Variants in STPG2 observed in about 807,000 individuals in gnomAD.
The protein encoded by STPG2 is sperm-tail PG-rich repeat-containing protein 2.
A neutral mutation model predicts 54.2 loss-of-function variants in STPG2; 56 were observed. The observed-to-expected ratio is 1.03, with a 90% confidence interval of 0.83 to 1.29. The LOEUF (loss-of-function observed/expected upper bound fraction) is 1.29. Among genes scored for constraint, STPG2 ranks in the 50% most tolerant of loss-of-function variants. STPG2 has a pLI of 0.00. For synonymous variants in STPG2, 200 were observed against 181.8 expected (o/e 1.10, Z -0.81); for missense variants, 596 against 544.9 (o/e 1.09, Z -0.93).
chr4:98,111,061 C>A (rs1265352981), intron 3 of STPG2, among the ~76,000 whole-genome samples: 1 of 151,982 alleles, frequency 6.6e-6, no homozygotes, highest in African/African-American at 2.4e-5. Flanking sequence ...TATAGCACAG[C>A]AAAGACTAGA....
At chr4:97,631,206 T>C (rs182117019) in intron 10 of STPG2, among the ~76,000 whole-genome samples, 1,588 of 152,124 alleles carry the variant, frequency 0.01, 15 homozygotes, top group South Asian at 0.017. Flanking sequence ...ATCTTAATGT[T>C]ATTATTTCCT....
chr4:97,484,398 G>A lies in STPG2; in HGVS notation c.462+228301C>T, dbSNP rs564658983. Among the ~76,000 whole-genome samples, 164 of 151,744 alleles carry A rather than the reference G, an allele frequency of 1.1e-3. 1 individual carries two copies. The highest frequency in any genetic ancestry group is 3.9e-3 in the African/African-American group (162 of 41,450). ...AGGAGATATTATAACTGACACCACT[G>A]AAATACAAAAGATCATTCAAGGCTA... is the stretch of plus-strand genomic sequence containing the variant. On this transcript the variant is annotated intron_variant, in intron 4 of 4. Coordinates refer to the STPG2 transcript ENST00000522676.
chr4:98,037,566 T>C lies in STPG2; in HGVS notation c.613-56248A>G, dbSNP rs562099391. Among the ~76,000 whole-genome samples, 32 of 151,620 alleles carry C rather than the reference T, an allele frequency of 2.1e-4. 1 individual carries two copies. The highest frequency in any genetic ancestry group is 1.1e-3 in the Admixed American group (16 of 15,178). Reference sequence around the variant, plus strand: ...AGATGTCTATCACTGATACGCAACATAGTATGTCTTAGTGGATGTAATGAA... The same window carrying C: ...AGATGTCTATCACTGATACGCAACACAGTATGTCTTAGTGGATGTAATGAA... On this transcript the variant is annotated intron_variant, in intron 5 of 10. Coordinates refer to ENST00000295268, the MANE Select transcript of STPG2 (RefSeq NM_174952.3).
chr4:97,655,866 C>G (rs1327579332), intron 10 of STPG2, among the ~76,000 whole-genome samples: 2 of 151,940 alleles, frequency 1.3e-5, no homozygotes, highest in Non-Finnish European at 2.9e-5. Context: ...CTTTTAAGAC[C>G]AAGTAGTGAT....
At chr4:97,759,984 CCT>C (rs1334470338) in intron 9 of STPG2, among the ~76,000 whole-genome samples, 1 of 152,110 alleles carries the variant, frequency 6.6e-6, no homozygotes, top group Non-Finnish European at 1.5e-5. Context: ...TTATTTACAG[CCT>C]CTCATGGCAC....
chr4:98,038,873 G>A (rs1736856252), intron 5 of STPG2, among the ~76,000 whole-genome samples: 1 of 151,788 alleles, frequency 6.6e-6, no homozygotes, highest in African/African-American at 2.4e-5. Context: ...TCATAGAAGA[G>A]GAAATAGAAA....
chr4:98,088,267 T>A (rs1233080367), intron 5 of STPG2, among the ~76,000 whole-genome samples: 2 of 152,164 alleles, frequency 1.3e-5, no homozygotes, highest in African/African-American at 4.8e-5. Flanking sequence ...ATAAGAAGTA[T>A]TCTCTGACTA....
chr4:98,075,193 AC>A (rs1220902211), intron 5 of STPG2, among the ~76,000 whole-genome samples: 1 of 152,144 alleles, frequency 6.6e-6, no homozygotes, highest in African/African-American at 2.4e-5. Context: ...GCACCATGAG[AC>A]CACCAAATCT....
intron 9 of STPG2, among the ~76,000 whole-genome samples, chr4:97,802,263 A>G (rs1368355763): frequency 6.6e-6 from 1 of 152,150 alleles, no homozygotes; most frequent in Non-Finnish European, 1.5e-5. Flanking sequence ...TCATCTCTGC[A>G]TATCTAAATT....
In STPG2 at chr4:97,904,395, TG is replaced by T. The variant is rs1731315236; in HGVS notation, c.1044+39501del. 2.0e-5 allele frequency among the ~76,000 whole-genome samples: 3 copies of T among 152,212 alleles called. No individual in the cohort carries two copies. The South Asian group carries it at 6.2e-4, about 32-fold the overall frequency. On this transcript the variant is annotated intron_variant, in intron 8 of 10. Transcript: ENST00000295268. Reference sequence around the variant, plus strand: ...CCAACAGACCTGCAGCTGAGGGTCCTGTCTGTTAAAAGGAAAACTAACAAAC... The same window carrying T: ...CCAACAGACCTGCAGCTGAGGGTCCTTCTGTTAAAAGGAAAACTAACAAAC...
chr4:97,611,217 G>A (rs1733722710), intron 10 of STPG2, among the ~76,000 whole-genome samples: 1 of 151,336 alleles, frequency 6.6e-6, no homozygotes, highest in Non-Finnish European at 1.5e-5. Flanking sequence ...GTGCTGATAG[G>A]CTGCTAGGCA....
intron 2 of STPG2, among the ~76,000 whole-genome samples, chr4:98,132,309 A>G (rs1377840190): frequency 6.9e-6 from 1 of 145,228 alleles, no homozygotes; most frequent in Non-Finnish European, 1.5e-5. Context: ...TACTTATAAA[A>G]TAACTAAAAT....
At chr4:97,525,937 T>C (rs191842425) in intron 4 of STPG2, among the ~76,000 whole-genome samples, 1 of 152,144 alleles carries the variant, frequency 6.6e-6, no homozygotes, top group African/African-American at 2.4e-5. Context: ...TTAAAAATGT[T>C]CAAAAGGCAA....
At chr4:97,884,309 T>G (rs1241510659) in intron 8 of STPG2, among the ~76,000 whole-genome samples, 4 of 152,194 alleles carry the variant, frequency 2.6e-5, no homozygotes, top group African/African-American at 9.7e-5. Flanking sequence ...TAACCCTCAG[T>G]ACCTCAAAAT....
intron 5 of STPG2, among the ~76,000 whole-genome samples, chr4:98,079,444 A>C (rs1472759278): frequency 1.3e-5 from 2 of 152,202 alleles, no homozygotes; most frequent in Admixed American, 6.5e-5. Flanking sequence ...CCTAATGGTC[A>C]CTACCTGCCA....
intron 10 of STPG2, among the ~76,000 whole-genome samples, chr4:97,703,118 G>C (rs967295174): frequency 1.3e-5 from 2 of 152,000 alleles, no homozygotes; most frequent in Non-Finnish European, 2.9e-5. Context: ...AGACTGACTA[G>C]ACTCCTTGCT....
chr4:97,725,906 G>T (rs1724608268), intron 9 of STPG2, among the ~76,000 whole-genome samples: 2 of 151,568 alleles, frequency 1.3e-5, no homozygotes, highest in South Asian at 2.1e-4. Context: ...AAAAAGGAAG[G>T]TCTTAAGTCC....
At chr4:97,909,450 C>A (rs1396870939) in intron 8 of STPG2, among the ~76,000 whole-genome samples, 5 of 152,092 alleles carry the variant, frequency 3.3e-5, no homozygotes, top group Non-Finnish European at 4.4e-5. Flanking sequence ...GCAACACTTA[C>A]CAACTTTATG....
chr4:98,052,540 GT>G (rs1300049366), intron 5 of STPG2, among the ~76,000 whole-genome samples: 15 of 152,004 alleles, frequency 9.9e-5, no homozygotes, highest in Non-Finnish European at 2.1e-4. Flanking sequence ...AATTAAATAT[GT>G]TTTTATGTTT....
Sources: gnomAD v4.1 joint callset for allele counts (sites outside exome capture counted in the v4.1 genomes callset) on GRCh38, gnomAD v4.1.1 for gene constraint, MANE v1.5 for transcripts, NCBI Gene and HGNC (gene_info 2026-07-23, HGNC 2026-07-21) for gene names.